Variants in PCLO observed in about 807,000 individuals in gnomAD.
PCLO encodes protein piccolo.
In PCLO, 82 loss-of-function variants were observed where a neutral mutation model predicts 427.5. That is an observed-to-expected ratio of 0.19 (90% CI 0.16 to 0.23). The LOEUF is 0.23. Ranked by LOEUF, PCLO falls within the 10% of genes least tolerant of loss-of-function variation. The probability of loss-of-function intolerance (pLI) is 1.00; values close to 1 mark genes in which losing one functional copy is unlikely to be tolerated. For missense variants in PCLO, 6,239 were observed against 6,115.9 expected, an observed-to-expected ratio of 1.02 and a Z score of -0.67; for synonymous variants, 2,357 against 2,155.4, an observed-to-expected ratio of 1.09 and a Z score of -2.59.
At chr7:82,951,652 G>A (rs1208573003) in intron 5 of PCLO, among the ~76,000 whole-genome samples, 162 bp from the exon 6 acceptor site, 4 of 146,752 alleles carry the variant, frequency 2.7e-5, no homozygotes, top group Non-Finnish European at 4.4e-5. Context: ...ACATGCAGGC[G>A]CATGCAGTGA....
chr7:82,779,562 T>C (rs1482252521), intron 22 of PCLO, among the ~76,000 whole-genome samples: 3 of 152,120 alleles, frequency 2.0e-5, no homozygotes, highest in African/African-American at 7.2e-5. Context: ...TTCTACATCC[T>C]TAACGAAAGC....
chr7:83,161,375 G>C (rs1226328243), intron 1 of PCLO, among the ~76,000 whole-genome samples: 3 of 152,168 alleles, frequency 2.0e-5, no homozygotes, highest in Non-Finnish European at 4.4e-5. Context: ...ACCACGGACA[G>C]AAAACTGTTC....
At position 83,028,965 on chromosome 7, in the gene PCLO, G is replaced by T. The variant is rs1363639171; in HGVS notation, c.3301-62478C>A. On this transcript the variant is annotated intron_variant, in intron 3 of 24. Transcript: ENST00000333891. Reference sequence around the variant, plus strand: ...CTTATACAAAAATCAATTCAAGATGGATTAAAGACTTAAACGTCAGACCTA... The same window carrying T: ...CTTATACAAAAATCAATTCAAGATGTATTAAAGACTTAAACGTCAGACCTA... Among the ~76,000 whole-genome samples, 4 of 152,008 alleles carry T rather than the reference G, an allele frequency of 2.6e-5. No individual in the cohort carries two copies. The East Asian group carries it at 7.7e-4, about 29-fold the overall frequency.
At chr7:82,958,257 G>A (rs192950263) in intron 4 of PCLO, among the ~76,000 whole-genome samples, 7 of 151,916 alleles carry the variant, frequency 4.6e-5, no homozygotes, top group Admixed American at 1.3e-4. Flanking sequence ...ACAGATGTAC[G>A]GTTGCACAAC....
At chr7:83,121,286 G>A (rs1373447315) in intron 3 of PCLO, among the ~76,000 whole-genome samples, 6 of 152,100 alleles carry the variant, frequency 3.9e-5, no homozygotes, top group Non-Finnish European at 7.4e-5. Flanking sequence ...GTTTGTTGTT[G>A]CTACTGCAAC....
rs1352819898 is a variant in PCLO, at chr7:82,952,329, G to C, written c.8624C>G (p.Pro2875Arg). 3 of 1,613,846 alleles carry C rather than the reference G, an allele frequency of 1.9e-6. No homozygotes were observed. The African/African-American group carries it at 4.0e-5, about 22-fold the overall frequency. The change falls in exon 5 of 25, where the codon CCT becomes CGT. Residue 2875 changes from proline to arginine, a missense_variant. Around this residue, in one of 5 missense-constraint regions of PCLO, gnomAD observed 4,677 missense variants for 4,468.4 expected, o/e 1.05. Transcript: ENST00000333891. ...TLAITKPVTV[P>R]PVGVTNGWTD... ...CCATCCATTTGTGACACCAACAGGA[G>C]GCACAGTGACAGGTTTTGTAATAGC...
At chr7:82,909,711 GTTA>G (rs1319920742) in intron 7 of PCLO, among the ~76,000 whole-genome samples, 7 of 152,014 alleles carry the variant, frequency 4.6e-5, no homozygotes, top group African/African-American at 1.7e-4. Flanking sequence ...GAATTCTTGT[GTTA>G]TTGTTAGGAA....
rs371254741 is a variant in PCLO at position 83,134,588 on chromosome 7, G to A, written c.2962C>T (p.Pro988Ser). Residue 988 changes from proline (P) to serine (S), a missense_variant, in exon 3 of 25, where the codon CCA (proline) becomes TCA (serine). Physicochemically the swap from Pro to Ser is moderately conservative, Grantham distance 74. Transcript: ENST00000333891. ...GPPKSTGQAPPAPAKSIPVKK... is the reference protein window; with the variant it reads ...GPPKSTGQAPSAPAKSIPVKK... The stretch of plus-strand genomic sequence containing the variant: ...ACAGGTATACTTTTTGCAGGTGCTG[G>A]TGGTGCTTGACCTGTGGATTTGGGT... 2.1e-5 allele frequency: 34 copies of A among 1,613,870 alleles called. No individual in the cohort carries two copies. Among genetic ancestry groups the A allele is most frequent in the African/African-American group, 9.3e-5 (7 of 74,994 alleles).
At chr7:82,926,506 A>G (rs957110681) in intron 6 of PCLO, among the ~76,000 whole-genome samples, 1 of 152,224 alleles carries the variant, frequency 6.6e-6, no homozygotes, top group East Asian at 1.9e-4. Context: ...TCGTACATGT[A>G]TAAGTTATTT....
chr7:83,116,117 G>A (rs1202284806), intron 3 of PCLO, among the ~76,000 whole-genome samples: 1 of 151,972 alleles, frequency 6.6e-6, no homozygotes, highest in African/African-American at 2.4e-5. Context: ...TAAGTAGCAT[G>A]AAACTACCAT....
chr7:82,939,866 T>C (rs1468228055), intron 6 of PCLO, among the ~76,000 whole-genome samples: 1 of 151,848 alleles, frequency 6.6e-6, no homozygotes, highest in African/African-American at 2.4e-5. Flanking sequence ...GAACATGGCC[T>C]TTATTTCATA....
intron 2 of PCLO, among the ~76,000 whole-genome samples, 200 bp from the exon 3 acceptor site, chr7:83,135,856 T>C (rs1013824499): frequency 2.0e-5 from 3 of 152,058 alleles, no homozygotes; most frequent in East Asian, 1.9e-4. Flanking sequence ...TCCCAGCACA[T>C]TGGGAGGCTG....
At position 82,999,606 on chromosome 7, in the gene PCLO, TATATAAA is replaced by T. The variant is rs1268167346; in HGVS notation, c.3301-33126_3301-33120del. On this transcript the variant is annotated intron_variant, in intron 3 of 24. Coordinates refer to ENST00000333891, the MANE Select transcript of PCLO (RefSeq NM_033026.6). The stretch of plus-strand genomic sequence containing the variant: ...TATTAAAATATAAAATATAATATTA[TATATAAA>T]ATATAAAATATAATATTATATTAAA... 6.6e-5 allele frequency among the ~76,000 whole-genome samples: 3 copies of T among 45,528 alleles called. 1 individual carries two copies. Among genetic ancestry groups the T allele is most frequent in the Non-Finnish European group, 9.3e-5 (3 of 32,360 alleles). The allele number at this position is 45,528 out of a possible 152,430, so 29.9% of individuals were successfully genotyped here. A position where few individuals can be genotyped will look rare whatever the true frequency, so the allele number is the denominator to read the frequency against.
At chr7:83,075,613 T>A (rs1789932091) in intron 3 of PCLO, among the ~76,000 whole-genome samples, 2 of 152,086 alleles carry the variant, frequency 1.3e-5, no homozygotes, top group South Asian at 4.1e-4. Flanking sequence ...TTTGAAATAG[T>A]CCCTAGACTT....
chr7:83,066,448 C>T (rs1789672648), intron 3 of PCLO, among the ~76,000 whole-genome samples: 1 of 152,024 alleles, frequency 6.6e-6, no homozygotes, highest in Admixed American at 6.6e-5. Context: ...ACATGTACAC[C>T]TGCATGAACA....
intron 3 of PCLO, among the ~76,000 whole-genome samples, chr7:83,082,156 TCAA>T (rs146039541): frequency 0.013 from 1,914 of 151,274 alleles, 44 homozygotes; most frequent in African/African-American, 0.043. Flanking sequence ...TGTAAAATCC[TCAA>T]CAATAAAAAT....
rs17156895 is a variant in PCLO at position 82,956,348 on chromosome 7, T to A, written c.4605A>T (p.Ser1535=). Residue 1535 remains serine (S), a synonymous_variant, in exon 5 of 25, where the codon TCA becomes TCT. Coordinates refer to ENST00000333891, the MANE Select transcript of PCLO (RefSeq NM_033026.6). ...PQRKRRTSVG[S]SSSDEYKQED... ...CCTGTTTATACTCATCACTGCTTGA[T>A]GAGCCAACACTAGTTCTTCGTTTTC... The A allele has an allele frequency of 1.6e-3, 2,508 of 1,613,190 alleles. 32 individuals carry two copies. In the African/African-American group the frequency reaches 0.03, roughly 19 times the overall value.
chr7:83,058,591 CACTT>C (rs1373885369), intron 3 of PCLO, among the ~76,000 whole-genome samples: 6 of 152,050 alleles, frequency 3.9e-5, no homozygotes. Context: ...ATTTATCAAA[CACTT>C]AATCTTTCAG....
intron 14 of PCLO, 144 bp from the exon 15 acceptor site, chr7:82,838,486 T>G (rs968658569): frequency 8.2e-5 from 45 of 546,756 alleles, no homozygotes; most frequent in Non-Finnish European, 4.4e-5. Flanking sequence ...AACAGACCAG[T>G]TAATGTCTAA....
Sources: gnomAD v4.1 joint callset for allele counts (sites outside exome capture counted in the v4.1 genomes callset) on GRCh38, gnomAD v4.1.1 for gene constraint, gnomAD v4.1.1 regional missense constraint, MANE v1.5 for transcripts, NCBI Gene and HGNC (gene_info 2026-07-23, HGNC 2026-07-21) for gene names.